Variants in GPC6 observed in about 807,000 individuals in gnomAD.
GPC6 encodes glypican 6, also known as glypican-6.
In GPC6, 14 loss-of-function variants were observed where a neutral mutation model predicts 55.2. The observed-to-expected ratio is 0.25, with a 90% CI of 0.17 to 0.40. The LOEUF is 0.40. GPC6 is among the 10% of genes least tolerant of loss of function. The pLI, the probability that GPC6 is intolerant of heterozygous loss-of-function variation, is 1.00. For missense variants in GPC6, 641 were observed against 708.5 expected (o/e 0.90, Z 1.08); for synonymous variants, 278 against 259.6 (o/e 1.07, Z -0.68).
intron 2 of GPC6, among the ~76,000 whole-genome samples, chr13:93,728,411 T>A (rs925304435): frequency 6.6e-6 from 1 of 150,500 alleles, no homozygotes; most frequent in African/African-American, 2.4e-5. Flanking sequence ...ATATATATAT[T>A]TTTATTTTTT....
rs549557910 is a variant in GPC6 at position 93,654,034 on chromosome 13, A to C, written c.319+108613A>C. 7.2e-5 allele frequency among the ~76,000 whole-genome samples: 11 copies of C among 152,260 alleles called. No homozygotes were observed. The South Asian group carries it at 2.3e-3, about 32-fold the overall frequency. On this transcript the variant is annotated intron_variant, in intron 2 of 8. Transcript: ENST00000377047. Reference sequence around the variant, plus strand: ...ATTACCATTGCAAAACTTGAATTTCACATGTTGTTTTAGCTCATATATTCA... The same window carrying C: ...ATTACCATTGCAAAACTTGAATTTCCCATGTTGTTTTAGCTCATATATTCA...
chr13:93,970,183 G>T (rs1880222705), intron 3 of GPC6, among the ~76,000 whole-genome samples: 1 of 152,134 alleles, frequency 6.6e-6, no homozygotes, highest in Admixed American at 6.6e-5. Flanking sequence ...CTCTAGGAAT[G>T]ATAATAAAGT....
chr13:93,566,217 G>A (rs1034638702), intron 2 of GPC6, among the ~76,000 whole-genome samples: 4 of 152,174 alleles, frequency 2.6e-5, no homozygotes, highest in Non-Finnish European at 5.9e-5. Context: ...ATAACTGCAA[G>A]AGCAGTTACT....
At chr13:93,225,116 A>G (rs1218217303), upstream of GPC6, among the ~76,000 whole-genome samples, 3 of 152,224 alleles carry the variant, frequency 2.0e-5, no homozygotes, top group Non-Finnish European at 2.9e-5. Context: ...ATTATCTGCT[A>G]TACTGAGTCA....
In GPC6 at chr13:93,410,241, G is replaced by A. The variant is rs1876444576; in HGVS notation, c.161-135022G>A. Among the ~76,000 whole-genome samples the A allele has an allele frequency of 2.0e-5, 3 of 152,128 alleles. No individual in the cohort carries two copies. The South Asian group carries it at 6.2e-4, about 31-fold the overall frequency. On this transcript the variant is annotated intron_variant, in intron 1 of 8. Transcript: ENST00000377047. ...TGGCCCAATTGATTATTCATAGGTT[G>A]CATTTTTTCCAATACAAAACCTTTA...
At position 93,363,077 on chromosome 13, in the gene GPC6, C is replaced by T. The variant is rs1328039557; in HGVS notation, c.160+135461C>T. ...ACGTTTCATAAGTACTAAATAATGT[C>T]AGTAGGTTTTGTGTCTTTTTTTTTC... On this transcript the variant is annotated intron_variant, in intron 1 of 8. Transcript: ENST00000377047. Among the ~76,000 whole-genome samples, 6 of 149,730 alleles carry T rather than the reference C, an allele frequency of 4.0e-5. No homozygotes were observed. In the Admixed American group the frequency reaches 4.0e-4, roughly 10 times the overall value.
At chr13:93,228,963 G>A in intron 1 of GPC6, among the ~76,000 whole-genome samples, 1 of 152,048 alleles carries the variant, frequency 6.6e-6, no homozygotes, top group East Asian at 1.9e-4. Flanking sequence ...GGCAAAGGGG[G>A]AAAAAAAGAG....
intron 1 of GPC6, among the ~76,000 whole-genome samples, chr13:93,286,814 C>T (rs1878142667): frequency 6.6e-6 from 1 of 151,818 alleles, no homozygotes; most frequent in Non-Finnish European, 1.5e-5. Flanking sequence ...CCTTTTCTCC[C>T]TTCCTTCTTT....
At chr13:93,525,418 G>A (rs998343530) in intron 1 of GPC6, among the ~76,000 whole-genome samples, 5 of 152,042 alleles carry the variant, frequency 3.3e-5, no homozygotes, top group African/African-American at 1.2e-4. Flanking sequence ...ATAAACCTGA[G>A]TGTCAGTGAA....
At chr13:94,096,369 T>G (rs891679178) in intron 4 of GPC6, among the ~76,000 whole-genome samples, 1 of 151,276 alleles carries the variant, frequency 6.6e-6, no homozygotes, top group Non-Finnish European at 1.5e-5. Flanking sequence ...GTTGGGAAAA[T>G]AAGATTCTAG....
intron 1 of GPC6, among the ~76,000 whole-genome samples, chr13:93,390,906 TGTGG>T (rs1875605675): frequency 1.3e-5 from 2 of 152,146 alleles, no homozygotes; most frequent in East Asian, 3.9e-4. Flanking sequence ...ATATAAACTC[TGTGG>T]AAAGTCACCA....
intron 3 of GPC6, among the ~76,000 whole-genome samples, chr13:93,997,312 A>G (rs1036378112): frequency 1.3e-5 from 2 of 152,192 alleles, no homozygotes; most frequent in African/African-American, 4.8e-5. Context: ...TATTTTATGT[A>G]TTAAAATCAA....
intron 4 of GPC6, among the ~76,000 whole-genome samples, chr13:94,246,585 A>G (rs1891201113): frequency 6.6e-6 from 1 of 152,126 alleles, no homozygotes; most frequent in Non-Finnish European, 1.5e-5. Context: ...GTATAAATCC[A>G]GTTTTCCCAG....
chr13:93,716,031 C>T (rs1188765913), intron 2 of GPC6, among the ~76,000 whole-genome samples: 1 of 151,466 alleles, frequency 6.6e-6, no homozygotes, highest in Non-Finnish European at 1.5e-5. Context: ...CTTTCGTATC[C>T]CCTCGTGACT....
intron 4 of GPC6, among the ~76,000 whole-genome samples, chr13:94,225,242 A>G (rs1249882432): frequency 6.6e-6 from 1 of 152,138 alleles, no homozygotes; most frequent in African/African-American, 2.4e-5. Flanking sequence ...TGAGGGCTTC[A>G]TCAACATCAT....
At chr13:93,869,751 T>C (rs1889072085) in intron 3 of GPC6, among the ~76,000 whole-genome samples, 1 of 151,796 alleles carries the variant, frequency 6.6e-6, no homozygotes, top group Admixed American at 6.6e-5. Context: ...AACTGAGGGG[T>C]ATTTTCTACA....
At chr13:94,383,252 C>T (rs1313333496) in intron 7 of GPC6, among the ~76,000 whole-genome samples, 4 of 152,070 alleles carry the variant, frequency 2.6e-5, no homozygotes, top group Non-Finnish European at 4.4e-5. Context: ...GGGCAGGACA[C>T]GAGGACAGGA....
intron 2 of GPC6, among the ~76,000 whole-genome samples, chr13:93,666,430 C>G (rs945038797): frequency 2.0e-5 from 3 of 151,966 alleles, no homozygotes; most frequent in Non-Finnish European, 4.4e-5. Flanking sequence ...GGAAAAATTG[C>G]AGTCCTGTCT....
At chr13:94,296,868 A>C (rs78925965) in intron 5 of GPC6, among the ~76,000 whole-genome samples, 2,321 of 152,340 alleles carry the variant, frequency 0.015, 31 homozygotes, top group East Asian at 0.037. Context: ...CAGTAAAATA[A>C]TTAGAAAGTA....
Sources: allele counts gnomAD v4.1 joint callset (sites outside exome capture counted in the v4.1 genomes callset), GRCh38; gene constraint gnomAD v4.1.1; transcripts MANE v1.5; gene names NCBI Gene and HGNC (gene_info 2026-07-23, HGNC 2026-07-21).